The following TCF20 variants were observed in gnomAD, a reference collection of about 807,000 sequenced individuals.
The protein encoded by TCF20 is transcription factor 20.
TCF20 carries 3 observed loss-of-function variants against 148.6 expected under a neutral mutation model. The ratio of observed to expected loss-of-function variants is 0.02; its 90% confidence interval spans 0.01 to 0.05. TCF20 has a LOEUF of 0.05. Ranked by LOEUF, TCF20 falls within the 10% of genes least tolerant of loss-of-function variation. TCF20 has a pLI of 1.00. For missense variants in TCF20, 2,350 were observed against 2,429.3 expected (o/e 0.97, Z 0.69); for synonymous variants, 1,049 against 909.5 (o/e 1.15, Z -2.76).
At chr22:42,335,601 AC>A (rs1340830196) in intron 1 of TCF20, among the ~76,000 whole-genome samples, 1 of 152,156 alleles carries the variant, frequency 6.6e-6, no homozygotes. Context: ...CGCATCTGTT[AC>A]CCCTGACTCT....
chr22:42,211,740 C>G lies in TCF20; in HGVS notation c.3566G>C (p.Trp1189Ser). ...HGSQKLQESC[W>S]DLSRQTSPAK... The stretch of plus-strand genomic sequence containing the variant: ...TGGAGAAGTTTGCCGAGAAAGATCC[C>G]AACAGGATTCTTGTAACTTCTGGGA... Residue 1189 changes from tryptophan (W) to serine (S), a missense_variant, in exon 2 of 6, where the codon TGG becomes TCG. Transcript: ENST00000677622. 1 of 1,614,192 alleles carries G rather than the reference C, an allele frequency of 6.2e-7. No homozygotes were observed. Among genetic ancestry groups the G allele is most frequent in the Non-Finnish European group, 8.5e-7 (1 of 1,180,032 alleles).
chr22:42,194,741 T>A (rs1937509786), intron 2 of TCF20, among the ~76,000 whole-genome samples: 1 of 151,606 alleles, frequency 6.6e-6, no homozygotes, highest in Admixed American at 6.6e-5. Context: ...AGCAGCAGAG[T>A]GTGGTTCTTG....
chr22:42,177,723 T>C (rs914427174), intron 3 of TCF20, among the ~76,000 whole-genome samples: 2 of 152,146 alleles, frequency 1.3e-5, no homozygotes, highest in Admixed American at 1.3e-4. Context: ...GAGTAAGAAA[T>C]ACATATTTTA....
At chr22:42,326,873 C>T (rs1213999925) in intron 1 of TCF20, among the ~76,000 whole-genome samples, 1 of 152,258 alleles carries the variant, frequency 6.6e-6, no homozygotes, top group African/African-American at 2.4e-5. Flanking sequence ...AGAGCCGGAG[C>T]GCTGGGCACA....
At chr22:42,332,499 C>T (rs542131241) in intron 1 of TCF20, among the ~76,000 whole-genome samples, 4 of 152,090 alleles carry the variant, frequency 2.6e-5, no homozygotes, top group African/African-American at 7.2e-5. Flanking sequence ...CAGCCAATTT[C>T]TTTCTTTCTT....
chr22:42,291,490 CA>C (rs1433348626), intron 1 of TCF20, among the ~76,000 whole-genome samples: 2 of 152,226 alleles, frequency 1.3e-5, no homozygotes, highest in African/African-American at 4.8e-5. Context: ...CTCGGCAAAG[CA>C]GCTGGACCGT....
At chr22:42,324,044 T>C (rs199636547) in intron 1 of TCF20, among the ~76,000 whole-genome samples, 2 of 29,476 alleles carry the variant, frequency 6.8e-5, no homozygotes, top group Non-Finnish European at 1.0e-4. Flanking sequence ...GAGGTTATGG[T>C]GGTGGTGGTG....
At position 42,279,289 on chromosome 22, in the gene TCF20, G is replaced by C. The variant is rs1569199527; in HGVS notation, c.-37+4538C>G. On this transcript the variant is annotated intron_variant, in intron 1 of 5. Transcript: ENST00000359486. The surrounding 1 kb of genome is among the most constrained non-coding windows in gnomAD (Gnocchi z 4.3). ...GGAGGCTGAGGCGGGCGGATCACCT[G>C]AGGTCAGGAGTTCGAAACCAGCCTG... 1.3e-5 allele frequency among the ~76,000 whole-genome samples: 2 copies of C among 152,112 alleles called. No homozygotes were observed. The highest frequency in any genetic ancestry group is 2.9e-5 in the Non-Finnish European group (2 of 68,010).
intron 5 of TCF20, among the ~76,000 whole-genome samples, chr22:42,164,730 G>C (rs1414355946): frequency 6.6e-6 from 1 of 152,208 alleles, no homozygotes; most frequent in Non-Finnish European, 1.5e-5. Flanking sequence ...GGGGGGCAAT[G>C]GAGACAAGGA....
In TCF20 at chr22:42,202,505, CTG is replaced by C. The variant is rs1938102728; in HGVS notation, c.5655+7144_5655+7145del. ...GGAATTCATATGAAGCAGTGTGACT[CTG>C]GGGCTCTCACCCAGGCCTCCCCTCT... On this transcript the variant is annotated intron_variant, in intron 2 of 5. Coordinates refer to ENST00000677622, the MANE Select transcript of TCF20 (RefSeq NM_001378418.1). Among the ~76,000 whole-genome samples the C allele has an allele frequency of 3.3e-5, 5 of 152,310 alleles. 1 individual carries two copies. The South Asian group carries it at 1.0e-3, about 32-fold the overall frequency.
chr22:42,167,525 GT>G (rs201603285), intron 5 of TCF20, among the ~76,000 whole-genome samples: 1 of 152,054 alleles, frequency 6.6e-6, no homozygotes, highest in Non-Finnish European at 1.5e-5. Flanking sequence ...GTACATTTTG[GT>G]TTTTCTTTTC....
At chr22:42,263,636 T>C (rs1926136308) in intron 1 of TCF20, among the ~76,000 whole-genome samples, 1 of 152,160 alleles carries the variant, frequency 6.6e-6, no homozygotes, top group South Asian at 2.1e-4. Flanking sequence ...CAAGGCATAA[T>C]TAGGATGAGA....
At position 42,312,252 on chromosome 22, in the gene TCF20, C is replaced by G. The variant is rs1254088522; in HGVS notation, c.-37+31227G>C. 2.0e-5 allele frequency among the ~76,000 whole-genome samples: 3 copies of G among 152,344 alleles called. No individual in the cohort carries two copies. The East Asian group carries it at 5.8e-4, about 29-fold the overall frequency. On this transcript the variant is annotated intron_variant, in intron 1 of 1. Transcript: ENST00000515426. Reference sequence around the variant, plus strand: ...AGCAAGGACTCTGCCACTGCCCCTCCTGACTGGTCCCCCAGTAGTCAGCGG... The same window carrying G: ...AGCAAGGACTCTGCCACTGCCCCTCGTGACTGGTCCCCCAGTAGTCAGCGG...
intron 2 of TCF20, among the ~76,000 whole-genome samples, chr22:42,201,464 T>C (rs1467464738): frequency 1.3e-5 from 2 of 151,998 alleles, no homozygotes; most frequent in African/African-American, 4.8e-5. Context: ...TGTTAAAAAG[T>C]TTACTTAAAA....
chr22:42,288,197 C>G (rs1250461663), upstream of TCF20, among the ~76,000 whole-genome samples: 1 of 152,102 alleles, frequency 6.6e-6, no homozygotes, highest in Non-Finnish European at 1.5e-5. Flanking sequence ...GAGTTCAAGA[C>G]CAGCCTGGCC....
At chr22:42,242,224 A>AAAAAAAAAAAAAAAAAAAAAAAACAAAC (rs1555942548) in intron 1 of TCF20, among the ~76,000 whole-genome samples, 1 of 147,582 alleles carries the variant, frequency 6.8e-6, no homozygotes, top group African/African-American at 2.6e-5. Context: ...AAAAAAAAAA[A>AAAAAAAAAAAAAAAAAAAAAAAACAAAC]AAACAGAAAA....
At chr22:42,225,152 C>T (rs1163838867) in intron 1 of TCF20, among the ~76,000 whole-genome samples, 20 of 152,028 alleles carry the variant, frequency 1.3e-4, no homozygotes, top group East Asian at 5.9e-4. Flanking sequence ...CCTGCCACCA[C>T]GTCCGGCTAA....
intron 3 of TCF20, among the ~76,000 whole-genome samples, chr22:42,171,509 G>A (rs904652302): frequency 2.0e-5 from 3 of 152,212 alleles, no homozygotes; most frequent in Non-Finnish European, 4.4e-5. Flanking sequence ...GAGCCCATGA[G>A]TATCTAAGAG....
chr22:42,257,966 T>G (rs2147367411), intron 1 of TCF20, among the ~76,000 whole-genome samples: 1 of 152,310 alleles, frequency 6.6e-6, no homozygotes, highest in Non-Finnish European at 1.5e-5. Flanking sequence ...ATGTGAGGGC[T>G]CTGAAATAAT....
Sources: gnomAD v4.1 joint callset for allele counts (sites outside exome capture counted in the v4.1 genomes callset) on GRCh38, gnomAD v4.1.1 for gene constraint, Gnocchi (gnomAD v3.1) non-coding constraint, MANE v1.5 for transcripts, NCBI Gene and HGNC (gene_info 2026-07-23, HGNC 2026-07-21) for gene names.